NDUFAF6: variants seen among roughly 807,000 people sequenced by gnomAD.
NDUFAF6 encodes the protein NADH dehydrogenase (ubiquinone) complex I, assembly factor 6.
A neutral mutation model predicts 40.8 loss-of-function variants in NDUFAF6; 45 were observed. The ratio of observed to expected loss-of-function variants is 1.10; its 90% CI spans 0.87 to 1.42. The LOEUF (loss-of-function observed/expected upper bound fraction) is 1.42, where lower values mean the gene tolerates loss of function less well. Ranked by LOEUF, NDUFAF6 falls within the 40% of genes most tolerant of loss-of-function variation. The pLI is 0.00. For synonymous variants in NDUFAF6, 185 were observed against 155.9 expected, an observed-to-expected ratio of 1.19 and a Z score of -1.39; for missense variants, 435 against 418.5, an observed-to-expected ratio of 1.04 and a Z score of -0.34.
intron 2 of NDUFAF6, among the ~76,000 whole-genome samples, chr8:95,091,823 A>G (rs1405898254): frequency 1.4e-5 from 2 of 140,384 alleles, no homozygotes; most frequent in Non-Finnish European, 1.5e-5. Context: ...TTTTTTTTGT[A>G]GAGACAGGGA....
At chr8:94,913,573 G>T (rs928522335) in intron 1 of NDUFAF6, among the ~76,000 whole-genome samples, 5 of 152,204 alleles carry the variant, frequency 3.3e-5, no homozygotes, top group African/African-American at 1.2e-4. Flanking sequence ...AAAGCAGTAG[G>T]ATCGCTTGAG....
chr8:94,922,770 C>T (rs573650040), intron 1 of NDUFAF6, among the ~76,000 whole-genome samples: 2 of 152,282 alleles, frequency 1.3e-5, no homozygotes, highest in East Asian at 1.9e-4. Context: ...TGTGCCACTG[C>T]GCTGGCTGAA....
chr8:95,116,044 G>C (rs968592600), intron 5 of NDUFAF6, among the ~76,000 whole-genome samples: 2 of 151,942 alleles, frequency 1.3e-5, no homozygotes, highest in African/African-American at 4.8e-5. Flanking sequence ...AGGCTGAGGC[G>C]GAAGAATCGC....
intron 8 of NDUFAF6, 53 bp downstream of exon 8, chr8:95,052,283 T>A: frequency 6.4e-7 from 1 of 1,560,060 alleles, no homozygotes; most frequent in Non-Finnish European, 8.8e-7. Flanking sequence ...ATGTGTATGA[T>A]CTGTTTTTAT....
At chr8:94,940,182 C>T in intron 1 of NDUFAF6, 1 of 1,575,040 alleles carries the variant, frequency 6.3e-7, no homozygotes. Context: ...ATGTCCTCCT[C>T]TTCTTCTTCT....
chr8:95,056,468 C>G (rs753935784), intron 8 of NDUFAF6, among the ~76,000 whole-genome samples: 1 of 152,104 alleles, frequency 6.6e-6, no homozygotes, highest in Non-Finnish European at 1.5e-5. Flanking sequence ...CTGCCTCGGT[C>G]TCCCAAAGTG....
chr8:95,049,732 G>C (rs73276498), intron 7 of NDUFAF6, among the ~76,000 whole-genome samples: 2,952 of 152,108 alleles, frequency 0.019, 117 homozygotes, highest in African/African-American at 0.066. Context: ...CCCTGGCCAC[G>C]TTACCTAAAA....
intron 1 of NDUFAF6, among the ~76,000 whole-genome samples, chr8:94,902,079 C>T (rs1348766929): frequency 6.6e-6 from 1 of 151,948 alleles, no homozygotes; most frequent in Non-Finnish European, 1.5e-5. Context: ...GATATCAGTA[C>T]ATGTCTCCCT....
At chr8:95,113,329 TA>T (rs1406445910) in intron 4 of NDUFAF6, among the ~76,000 whole-genome samples, 1 of 152,194 alleles carries the variant, frequency 6.6e-6, no homozygotes, top group Non-Finnish European at 1.5e-5. Flanking sequence ...GAGGGGATAG[TA>T]GCTGACTCAT....
Position 95,025,138 on chromosome 8 carries a change from C to G in NDUFAF6, c.130C>G (p.Arg44Gly). ...RRLPGPEVSGRSVAAASGPGA... is the reference protein window; with the variant it reads ...RRLPGPEVSGGSVAAASGPGA... ...GCTGCCCGGGCCGGAGGTGTCTGGG[C>G]GGAGCGTGGCTGCGGCCAGCGGACC... The change falls in exon 1 of 9, where the codon CGG (arginine) becomes GGG (glycine). Residue 44 changes from arginine (R) to glycine (G), a missense_variant. Coordinates refer to ENST00000396124, the MANE Select transcript of NDUFAF6 (RefSeq NM_152416.4). 1 of 1,485,074 alleles carries G rather than the reference C, an allele frequency of 6.7e-7. No individual in the cohort carries two copies. Among genetic ancestry groups the G allele is most frequent in the South Asian group, 1.3e-5 (1 of 78,180 alleles). 92.0% of individuals were successfully genotyped at this position (1,485,074 alleles called of 1,614,324 possible). A position where few individuals can be genotyped will look rare whatever the true frequency, so the allele number is the denominator to read the frequency against.
chr8:94,985,897 G>A (rs1209735674), intron 2 of NDUFAF6, among the ~76,000 whole-genome samples: 1 of 125,198 alleles, frequency 8.0e-6, no homozygotes, highest in Non-Finnish European at 1.7e-5. Context: ...TTTTTGAGAC[G>A]CAGTCTCACT....
intron 9 of NDUFAF6, among the ~76,000 whole-genome samples, chr8:95,075,312 G>A (rs1009655700): frequency 2.8e-4 from 42 of 152,050 alleles, no homozygotes; most frequent in African/African-American, 9.9e-4. Flanking sequence ...ATACAATAAT[G>A]TCATTTTTAG....
chr8:95,068,896 A>AG (rs933639768), intron 9 of NDUFAF6: 46 of 151,442 alleles, frequency 3.0e-4, no homozygotes, highest in Middle Eastern at 3.4e-3. Flanking sequence ...CAAATTCAAT[A>AG]GTGTCTTTCC....
At chr8:95,076,747 C>A (rs12544717), downstream of NDUFAF6, among the ~76,000 whole-genome samples, 19,078 of 152,086 alleles carry the variant, frequency 0.13, 1,365 homozygotes, top group Middle Eastern at 0.22. Context: ...ATGGCCCATG[C>A]CTCTAATCCC....
intron 1 of NDUFAF6, among the ~76,000 whole-genome samples, chr8:94,970,248 C>T (rs142668435): frequency 0.017 from 1,983 of 116,100 alleles, 54 homozygotes; most frequent in African/African-American, 0.06. Flanking sequence ...AGCAAGACTC[C>T]GTCTCAAAAA....
chr8:94,923,776 T>C (rs1459508692), intron 1 of NDUFAF6, among the ~76,000 whole-genome samples: 3 of 150,280 alleles, frequency 2.0e-5, no homozygotes, highest in African/African-American at 7.4e-5. Context: ...ACCTCCTGGG[T>C]TCAAGCAATT....
rs57749627 is a variant in NDUFAF6, at chr8:94,904,320, CTTTTTTTTTTTTTTTTTTTT to C, written c.-936+8411_-936+8430del. On this transcript the variant is annotated intron_variant, in intron 1 of 14. Coordinates refer to the NDUFAF6 transcript ENST00000396113. Reference sequence around the variant, plus strand: ...CATCACACCTGGCTAATTTTTTTTGCTTTTTTTTTTTTTTTTTTTTTTTTTTTTTTTTTTTTTAGTAAAGA... The same window carrying C: ...CATCACACCTGGCTAATTTTTTTTGCTTTTTTTTTTTTTTTTTAGTAAAGA... Among the ~76,000 whole-genome samples the C allele has an allele frequency of 3.2e-4, 11 of 34,132 alleles. 1 individual carries two copies. Among genetic ancestry groups the C allele is most frequent in the Non-Finnish European group, 4.0e-4 (8 of 19,940 alleles). The allele number at this position is 34,132 out of a possible 152,430, so 22.4% of individuals were successfully genotyped here.
chr8:94,963,274 A>T (rs1490206144), intron 1 of NDUFAF6, among the ~76,000 whole-genome samples: 1 of 152,226 alleles, frequency 6.6e-6, no homozygotes, highest in Non-Finnish European at 1.5e-5. Flanking sequence ...AGCATTTTTG[A>T]GGCTTACTCT....
At chr8:94,976,473 A>G (rs2131557255) in intron 1 of NDUFAF6, among the ~76,000 whole-genome samples, 1 of 144,630 alleles carries the variant, frequency 6.9e-6, no homozygotes, top group Non-Finnish European at 1.5e-5. Context: ...ACTGCACTCC[A>G]GCCTGGTGAC....
Sources: gnomAD v4.1 joint callset for allele counts (sites outside exome capture counted in the v4.1 genomes callset) on GRCh38, gnomAD v4.1.1 for gene constraint, MANE v1.5 for transcripts, NCBI Gene and HGNC (gene_info 2026-07-23, HGNC 2026-07-21) for gene names.